CDK19: variants seen among roughly 807,000 people sequenced by gnomAD.
CDK19 encodes cyclin-dependent kinase 19.
CDK19 carries 20 observed loss-of-function variants against 68.3 expected under a neutral mutation model. The ratio of observed to expected loss-of-function variants is 0.29; its 90% CI spans 0.21 to 0.43. The LOEUF (loss-of-function observed/expected upper bound fraction) is 0.43. Among genes scored for constraint, CDK19 ranks in the 20% least tolerant of loss-of-function variants. The pLI is 1.00. For synonymous variants in CDK19, 221 were observed against 222.8 expected, an observed-to-expected ratio of 0.99 and a Z score of 0.07; for missense variants, 339 against 623.5, an observed-to-expected ratio of 0.54 and a Z score of 4.86.
At chr6:110,647,321 T>C (rs563365387) in intron 4 of CDK19, among the ~76,000 whole-genome samples, 77 of 135,808 alleles carry the variant, frequency 5.7e-4, no homozygotes, top group African/African-American at 2.1e-3. Context: ...TGTGTTTAAG[T>C]AGAACCAGCG....
chr6:110,766,758 G>A (rs1426307637), intron 1 of CDK19, among the ~76,000 whole-genome samples: 1 of 152,172 alleles, frequency 6.6e-6, no homozygotes, highest in East Asian at 1.9e-4. Flanking sequence ...GCAGCACTTT[G>A]GGAGGCTAAG....
In CDK19 at chr6:110,648,502, T is replaced by C. The variant is rs550177939; in HGVS notation, c.457-9796A>G. 1.3e-3 allele frequency among the ~76,000 whole-genome samples: 198 copies of C among 151,998 alleles called. 1 individual carries two copies. Among genetic ancestry groups the C allele is most frequent in the African/African-American group, 4.7e-3 (194 of 41,508 alleles). On this transcript the variant is annotated intron_variant, in intron 4 of 12. Transcript: ENST00000368911. ...TAAATATATCAAAGAATGTACAAGA[T>C]TGGTATGCAGAACACCATGAAATCT... is the stretch of plus-strand genomic sequence containing the variant.
intron 4 of CDK19, among the ~76,000 whole-genome samples, chr6:110,664,948 G>C (rs1781833346): frequency 6.6e-6 from 1 of 152,164 alleles, no homozygotes; most frequent in Non-Finnish European, 1.5e-5. Context: ...CATTAAGGCA[G>C]GAAATCCCAG....
intron 2 of CDK19, among the ~76,000 whole-genome samples, chr6:110,678,712 C>T (rs1313364959): frequency 6.6e-6 from 1 of 152,076 alleles, no homozygotes; most frequent in African/African-American, 2.4e-5. Flanking sequence ...ATTTGTAATT[C>T]AATAGAAAAA....
At chr6:110,716,285 C>T (rs1422643712) in intron 2 of CDK19, among the ~76,000 whole-genome samples, 1 of 151,928 alleles carries the variant, frequency 6.6e-6, no homozygotes, top group Non-Finnish European at 1.5e-5. Context: ...CATGATATTA[C>T]ACTGTAGAAT....
intron 2 of CDK19, among the ~76,000 whole-genome samples, chr6:110,699,957 A>G (rs1197898734): frequency 6.6e-6 from 1 of 152,208 alleles, no homozygotes. Flanking sequence ...GCCACACAGC[A>G]GGAGGTGGGC....
intron 1 of CDK19, among the ~76,000 whole-genome samples, chr6:110,796,210 C>A (rs898954808): frequency 6.6e-6 from 1 of 152,078 alleles, no homozygotes; most frequent in Non-Finnish European, 1.5e-5. Context: ...TGGCGGTGCA[C>A]GCCTGTAGTC....
At chr6:110,781,785 G>A (rs566330950) in intron 1 of CDK19, among the ~76,000 whole-genome samples, 27 of 151,656 alleles carry the variant, frequency 1.8e-4, no homozygotes, top group Admixed American at 1.2e-3. Context: ...TGGAAGCTGC[G>A]GTGAGCCAAG....
At chr6:110,782,530 T>C (rs1780892456) in intron 1 of CDK19, among the ~76,000 whole-genome samples, 1 of 152,220 alleles carries the variant, frequency 6.6e-6, no homozygotes, top group South Asian at 2.1e-4. Context: ...GCTGCAAAAC[T>C]GATCACAAAA....
intron 2 of CDK19, among the ~76,000 whole-genome samples, chr6:110,716,990 G>A (rs998647715): frequency 6.6e-6 from 1 of 152,038 alleles, no homozygotes; most frequent in African/African-American, 2.4e-5. Context: ...AAATTAGCTG[G>A]GCATGGTGGC....
intron 8 of CDK19, 95 bp downstream of exon 8, chr6:110,626,681 G>C: frequency 1.3e-6 from 1 of 748,194 alleles, no homozygotes; most frequent in East Asian, 2.6e-5. Flanking sequence ...CTCAAGGACT[G>C]GGAGAAAACA....
chr6:110,692,292 C>CA (rs752992540), intron 2 of CDK19, among the ~76,000 whole-genome samples: 2,446 of 83,242 alleles, frequency 0.029, 73 homozygotes, highest in African/African-American at 0.098. Context: ...GACTCCGTCT[C>CA]AAAAAAAAAA....
At chr6:110,702,573 G>A (rs1774100692) in intron 2 of CDK19, among the ~76,000 whole-genome samples, 1 of 152,154 alleles carries the variant, frequency 6.6e-6, no homozygotes, top group Non-Finnish European at 1.5e-5. Flanking sequence ...GCTGCAGTGA[G>A]CCATGATCGC....
chr6:110,732,923 C>G (rs556782998), intron 2 of CDK19, among the ~76,000 whole-genome samples: 2 of 152,038 alleles, frequency 1.3e-5, no homozygotes, highest in African/African-American at 4.8e-5. Flanking sequence ...AAAAATTAGC[C>G]AGGTGTGGTG....
At chr6:110,666,417 T>A (rs1461963744) in intron 4 of CDK19, among the ~76,000 whole-genome samples, 10 of 96,606 alleles carry the variant, frequency 1.0e-4, no homozygotes, top group African/African-American at 3.6e-4. Context: ...AGAGAGAGAC[T>A]CTGTCTCAAA....
chr6:110,736,034 T>C (rs1402452570), intron 2 of CDK19, among the ~76,000 whole-genome samples: 1 of 152,182 alleles, frequency 6.6e-6, no homozygotes, highest in Non-Finnish European at 1.5e-5. Context: ...AAAACATACC[T>C]GATTCCCCTT....
At position 110,622,896 on chromosome 6, in the gene CDK19, G is replaced by A. The variant is rs762517170; in HGVS notation, c.950C>T (p.Thr317Ile). 2 of 1,611,958 alleles carry A rather than the reference G, an allele frequency of 1.2e-6. No individual in the cohort carries two copies. Among genetic ancestry groups the A allele is most frequent in the Non-Finnish European group, 1.7e-6 (2 of 1,178,014 alleles). ...KVFLLLQKLL[T>I]MDPTKRITSE... ...GGTAATTCTCTTGGTTGGATCCATG[G>A]TCAGGAGTTTCTGAAGCTAGAGTGA... Residue 317 changes from threonine (T) to isoleucine (I), a missense_variant, in exon 10 of 13, where the codon ACC (threonine) becomes ATC (isoleucine). Coordinates refer to ENST00000368911, the MANE Select transcript of CDK19 (RefSeq NM_015076.5).
At chr6:110,729,603 A>ATTT (rs35087722) in intron 2 of CDK19, among the ~76,000 whole-genome samples, 20,252 of 134,106 alleles carry the variant, frequency 0.15, 1,848 homozygotes, top group East Asian at 0.31. Flanking sequence ...TAATTTTTGT[A>ATTT]TTTTTTTTTT....
chr6:110,680,667 T>C (rs1260328236), intron 2 of CDK19, among the ~76,000 whole-genome samples: 1 of 152,170 alleles, frequency 6.6e-6, no homozygotes, highest in African/African-American at 2.4e-5. Flanking sequence ...ATATTTTAAT[T>C]ACTCGAGGAA....
Sources: gnomAD v4.1 joint callset for allele counts (sites outside exome capture counted in the v4.1 genomes callset) on GRCh38, gnomAD v4.1.1 for gene constraint, MANE v1.5 for transcripts, NCBI Gene and HGNC (gene_info 2026-07-23, HGNC 2026-07-21) for gene names.